Variants in C21orf58 observed in about 807,000 individuals in gnomAD.
The protein encoded by C21orf58 is chromosome 21 open reading frame 58, also known as uncharacterized protein C21orf58.
C21orf58 carries 34 observed loss-of-function variants against 35.8 expected under a neutral mutation model. That is an observed-to-expected ratio of 0.95 (90% CI 0.72 to 1.26). C21orf58 has a LOEUF of 1.26. C21orf58 is among the 50% of genes most tolerant of loss of function. C21orf58 has a pLI of 0.00. For synonymous variants in C21orf58, 191 were observed against 175.8 expected (o/e 1.09, Z -0.68); for missense variants, 440 against 414.3 (o/e 1.06, Z -0.54).
chr21:46,302,156 T>C lies in C21orf58; in HGVS notation c.814-2A>G, dbSNP rs1196540969. The C allele has an allele frequency of 6.1e-6, 9 of 1,478,654 alleles. No homozygotes were observed. In the Admixed American group the frequency reaches 2.1e-4, roughly 34 times the overall value. The allele number at this position is 1,478,654 out of a possible 1,614,324, so 91.6% of individuals were successfully genotyped here. ...CCTCGGGGGCACATGTGGCGGGTCC[T>C]GCCACAGACGCACCTGCTGCTTAGG... is the stretch of plus-strand genomic sequence containing the variant. On this transcript the variant is annotated splice_acceptor_variant, in intron 7 of 7. Transcript: ENST00000291691. LOFTEE classifies it high-confidence loss of function.
At chr21:46,322,549 C>T (rs2083207151) in intron 1 of C21orf58, 90 bp downstream of exon 1, 3 of 1,330,002 alleles carry the variant, frequency 2.3e-6, no homozygotes, top group African/African-American at 3.0e-5. Context: ...CCTGCCTGGC[C>T]CCTGCTCTAA....
At chr21:46,300,884 A>G, downstream of C21orf58, 1 of 1,065,984 alleles carries the variant, frequency 9.4e-7, no homozygotes, top group Middle Eastern at 2.5e-4. Context: ...GCACCCAAAA[A>G]AAAAAGTAAC....
At chr21:46,311,166 G>A (rs1185435936) in intron 6 of C21orf58, among the ~76,000 whole-genome samples, 1 of 151,962 alleles carries the variant, frequency 6.6e-6, no homozygotes, top group East Asian at 1.9e-4. Context: ...CACCGAGCCG[G>A]GCCCTAAAAA....
chr21:46,317,956 C>A, intron 2 of C21orf58, 56 bp downstream of exon 2: 1 of 1,589,962 alleles, frequency 6.3e-7, no homozygotes, highest in South Asian at 1.1e-5. Context: ...AAGAGTCCCT[C>A]CAACGCCACA....
intron 2 of C21orf58, 79 bp downstream of exon 2, chr21:46,317,933 C>G (rs1361442774): frequency 6.7e-7 from 1 of 1,498,462 alleles, no homozygotes; most frequent in African/African-American, 1.4e-5. Flanking sequence ...TCTGCACCTG[C>G]AGGGCTGTCT....
intron 3 of C21orf58, among the ~76,000 whole-genome samples, chr21:46,316,948 C>T (rs1358203376): frequency 6.6e-6 from 1 of 152,230 alleles, no homozygotes; most frequent in Non-Finnish European, 1.5e-5. Context: ...TGAGCAACCT[C>T]TCTGCCTCCA....
chr21:46,301,612 G>A lies in C21orf58; in HGVS notation c.*387C>T. 9.8e-7 allele frequency: 1 copy of A among 1,023,664 alleles called. No individual in the cohort carries two copies. The highest frequency in any genetic ancestry group is 1.2e-6 in the Non-Finnish European group (1 of 855,756). 63.4% of individuals were successfully genotyped at this position (1,023,664 alleles called of 1,614,324 possible). On this transcript the variant is annotated 3_prime_UTR_variant, in exon 8 of 8. Coordinates refer to ENST00000291691, the MANE Select transcript of C21orf58 (RefSeq NM_058180.5). ...CTGAGATTTTCTTAAACTCTTTCTG[G>A]ATGAAATCTTTATTTCATCAGGCTG...
chr21:46,318,848 A>G, intron 1 of C21orf58: 3 of 987,650 alleles, frequency 3.0e-6, no homozygotes, highest in Non-Finnish European at 3.6e-6. Context: ...GGGTGACGCA[A>G]AACAGGAGCG....
intron 5 of C21orf58, among the ~76,000 whole-genome samples, chr21:46,312,675 A>C (rs973715122): frequency 6.6e-6 from 1 of 152,188 alleles, no homozygotes; most frequent in Non-Finnish European, 1.5e-5. Context: ...CGGCCTGGTC[A>C]GTCTTTTTAA....
chr21:46,317,873 A>G, intron 2 of C21orf58, 139 bp downstream of exon 2: 1 of 870,046 alleles, frequency 1.1e-6, no homozygotes, highest in Non-Finnish European at 1.7e-6. Flanking sequence ...AAGTCTGAGG[A>G]TGGGTCCGCT....
intron 1 of C21orf58, among the ~76,000 whole-genome samples, chr21:46,321,363 C>T (rs1051065084): frequency 4.0e-4 from 61 of 152,182 alleles, no homozygotes; most frequent in Non-Finnish European, 8.1e-4. Context: ...GTGCACCTGG[C>T]CCATTTGTTA....
At chr21:46,307,456 A>G (rs939437089) in intron 6 of C21orf58, among the ~76,000 whole-genome samples, 3 of 152,162 alleles carry the variant, frequency 2.0e-5, no homozygotes, top group Non-Finnish European at 4.4e-5. Context: ...ACCCACACAC[A>G]CACCCCTACC....
intron 1 of C21orf58, among the ~76,000 whole-genome samples, chr21:46,322,009 C>T (rs1361692311): frequency 1.4e-5 from 2 of 147,298 alleles, no homozygotes; most frequent in East Asian, 4.1e-4. Context: ...TGAATTGAGG[C>T]TGGGCGAGGT....
intron 1 of C21orf58, 58 bp downstream of exon 1, chr21:46,322,581 G>A (rs2083208702): frequency 7.0e-7 from 1 of 1,419,388 alleles, no homozygotes; most frequent in East Asian, 2.7e-5. Context: ...CCCAGAGTTT[G>A]CTCAAACCAC....
downstream of C21orf58, chr21:46,300,829 C>A: frequency 8.0e-7 from 1 of 1,242,902 alleles, no homozygotes; most frequent in Non-Finnish European, 1.0e-6. Context: ...ATGTATACTA[C>A]TTAAAAATAT....
At chr21:46,317,942 C>T in intron 2 of C21orf58, 70 bp downstream of exon 2, 1 of 1,546,808 alleles carries the variant, frequency 6.5e-7, no homozygotes, top group Non-Finnish European at 8.8e-7. Context: ...GCAGGGCTGT[C>T]TCGAAGAGTC....
At chr21:46,312,557 G>C (rs1195337116) in intron 5 of C21orf58, among the ~76,000 whole-genome samples, 1 of 151,688 alleles carries the variant, frequency 6.6e-6, no homozygotes, top group East Asian at 2.0e-4. Context: ...GACCTCAGGA[G>C]AGCCACCCAT....
intron 6 of C21orf58, among the ~76,000 whole-genome samples, chr21:46,303,635 T>C (rs1441978882): frequency 7.3e-6 from 1 of 137,294 alleles, no homozygotes. Flanking sequence ...GAGAAGTCCT[T>C]GAGACCAGGA....
Position 46,322,667 on chromosome 21 carries a change from AGAAG to A in C21orf58, c.68_71del (p.Pro23LeufsTer70), listed in dbSNP as rs771106404. Reference sequence around the variant, plus strand: ...ACAGAAGACTGTGGCCTGAGTCAGGAGAAGGAAGTTTCTGGCGGTCGAGCTTCCA... The same window carrying A: ...ACAGAAGACTGTGGCCTGAGTCAGGAGAAGTTTCTGGCGGTCGAGCTTCCA... On this transcript the variant is annotated frameshift_variant, in exon 1 of 8. Coordinates refer to ENST00000291691, the MANE Select transcript of C21orf58 (RefSeq NM_058180.5). LOFTEE classifies it high-confidence loss of function. The A allele has an allele frequency of 9.4e-6, 15 of 1,594,018 alleles. No homozygotes were observed. Among genetic ancestry groups the A allele is most frequent in the Non-Finnish European group, 1.1e-5 (13 of 1,169,962 alleles).
Sources: allele counts gnomAD v4.1 joint callset (sites outside exome capture counted in the v4.1 genomes callset), GRCh38; gene constraint gnomAD v4.1.1; transcripts MANE v1.5; gene names NCBI Gene and HGNC (gene_info 2026-07-23, HGNC 2026-07-21).